PSD3: variants seen among roughly 807,000 people sequenced by gnomAD.
The protein encoded by PSD3 is PH and SEC7 domain-containing protein 3.
Under a neutral mutation model 105.5 loss-of-function variants are expected in PSD3, and 49 were observed. The observed-to-expected ratio is 0.46, with a 90% CI of 0.37 to 0.59. PSD3 has a LOEUF of 0.59. Among genes scored for constraint, PSD3 ranks in the 20% least tolerant of loss-of-function variants. The pLI is 0.00. For missense variants in PSD3, 1,561 were observed against 1,263.8 expected, an observed-to-expected ratio of 1.24 and a Z score of -3.57; for synonymous variants, 557 against 457.8, an observed-to-expected ratio of 1.22 and a Z score of -2.77.
At chr8:18,695,229 G>T (rs974053) in intron 9 of PSD3, among the ~76,000 whole-genome samples, 1 of 152,232 alleles carries the variant, frequency 6.6e-6, no homozygotes, top group South Asian at 2.1e-4. Flanking sequence ...GGCTGGCTAT[G>T]TGAAGGCTGA....
intron 1 of PSD3, among the ~76,000 whole-genome samples, chr8:19,032,649 CAAAAA>C (rs59029468): frequency 9.2e-6 from 1 of 108,252 alleles, no homozygotes. Context: ...GACTCTGTCT[CAAAAA>C]AAAAAAAAAA....
At chr8:18,852,803 A>G (rs1815699449) in intron 4 of PSD3, among the ~76,000 whole-genome samples, 1 of 152,216 alleles carries the variant, frequency 6.6e-6, no homozygotes, top group South Asian at 2.1e-4. Flanking sequence ...CACATAAGGA[A>G]GCACAATTTA....
At chr8:18,723,580 G>A (rs533205078) in intron 9 of PSD3, among the ~76,000 whole-genome samples, 55 of 152,160 alleles carry the variant, frequency 3.6e-4, no homozygotes, top group African/African-American at 1.2e-3. Flanking sequence ...ATTTTGAGGT[G>A]GGGGAAAAAA....
chr8:18,717,177 A>C lies in PSD3; in HGVS notation c.2172+48272T>G, dbSNP rs117924272. ...TGCAACCTAAAGCCAAAACATTTCAAACTCAAACAAGAGAATGAAATAAAA... is the reference window on the plus strand; with the variant it reads ...TGCAACCTAAAGCCAAAACATTTCACACTCAAACAAGAGAATGAAATAAAA... On this transcript the variant is annotated intron_variant, in intron 9 of 15. Transcript: ENST00000327040. Among the ~76,000 whole-genome samples, 471 of 152,348 alleles carry C rather than the reference A, an allele frequency of 3.1e-3. 1 individual carries two copies. Among genetic ancestry groups the C allele is most frequent in the Non-Finnish European group, 5.4e-3 (365 of 68,034 alleles).
chr8:18,773,843 G>C (rs1488871780), intron 8 of PSD3, among the ~76,000 whole-genome samples: 2 of 152,130 alleles, frequency 1.3e-5, no homozygotes, highest in East Asian at 3.9e-4. Flanking sequence ...GATCAGTTTG[G>C]AGAGTACTTC....
intron 1 of PSD3, among the ~76,000 whole-genome samples, chr8:19,025,033 C>T (rs1827498624): frequency 6.6e-6 from 1 of 152,104 alleles, no homozygotes; most frequent in Admixed American, 6.5e-5. Context: ...AAGCAGCAGT[C>T]TCATGACTAG....
chr8:18,762,018 T>C (rs1213421728), intron 9 of PSD3, among the ~76,000 whole-genome samples: 1 of 152,136 alleles, frequency 6.6e-6, no homozygotes, highest in Non-Finnish European at 1.5e-5. Context: ...GGAAATGCAA[T>C]GGAATAATAA....
At chr8:18,932,429 A>C (rs1005895239) in intron 2 of PSD3, among the ~76,000 whole-genome samples, 1 of 152,212 alleles carries the variant, frequency 6.6e-6, no homozygotes, top group African/African-American at 2.4e-5. Context: ...ACAATTTATG[A>C]AGTTCTACAA....
chr8:19,056,410 G>A (rs1390197960), intron 1 of PSD3, among the ~76,000 whole-genome samples: 2 of 152,144 alleles, frequency 1.3e-5, no homozygotes, highest in African/African-American at 2.4e-5. Flanking sequence ...GTTTTGACAC[G>A]TTGTACAATT....
At chr8:18,739,096 G>A (rs1053510031) in intron 9 of PSD3, among the ~76,000 whole-genome samples, 4 of 152,100 alleles carry the variant, frequency 2.6e-5, no homozygotes, top group African/African-American at 9.7e-5. Flanking sequence ...ATTTTGGAAG[G>A]CACATATGGA....
intron 4 of PSD3, among the ~76,000 whole-genome samples, chr8:18,826,487 T>C (rs535899042): frequency 1.3e-5 from 2 of 152,344 alleles, no homozygotes; most frequent in Admixed American, 1.3e-4. Flanking sequence ...GCACATCTTA[T>C]TACTTTATTA....
Position 18,575,019 on chromosome 8 carries a change from T to C in PSD3, c.2639+109A>G, listed in dbSNP as rs1228191034. ...CTCTAATGTAAGCAGTTGATGACTT[T>C]GATTCCAACTCAAAAAATTTCCCCT... On this transcript the variant is annotated intron_variant, in intron 13 of 15. Transcript: ENST00000327040. 6 of 1,194,814 alleles carry C rather than the reference T, an allele frequency of 5.0e-6. No homozygotes were observed. The African/African-American group carries it at 9.5e-5, about 19-fold the overall frequency. 74.0% of individuals were successfully genotyped at this position (1,194,814 alleles called of 1,614,324 possible). A position where few individuals can be genotyped will look rare whatever the true frequency, so the allele number is the denominator to read the frequency against.
intron 9 of PSD3, among the ~76,000 whole-genome samples, chr8:18,665,371 T>C (rs1260295638): frequency 6.6e-6 from 1 of 152,170 alleles, no homozygotes; most frequent in Non-Finnish European, 1.5e-5. Flanking sequence ...ACTGCAGATG[T>C]GGTGGAAACA....
At chr8:18,562,686 C>T (rs535201212) in intron 14 of PSD3, among the ~76,000 whole-genome samples, 92 of 152,052 alleles carry the variant, frequency 6.1e-4, no homozygotes, top group Non-Finnish European at 1.1e-3. Context: ...GTCAAGAGTT[C>T]GAGACCAGCC....
chr8:18,834,566 T>C (rs1586171343), intron 4 of PSD3, among the ~76,000 whole-genome samples: 1 of 152,244 alleles, frequency 6.6e-6, no homozygotes, highest in African/African-American at 2.4e-5. Flanking sequence ...CTGATAAAAC[T>C]GATCCAACAG....
At chr8:18,732,761 T>A (rs1323646157) in intron 9 of PSD3, 2 of 152,088 alleles carry the variant, frequency 1.3e-5, no homozygotes, top group African/African-American at 4.8e-5. Flanking sequence ...ACACTCCTGA[T>A]GAATGGAACA....
intron 12 of PSD3, among the ~76,000 whole-genome samples, chr8:18,596,849 G>C (rs1804139579): frequency 6.6e-6 from 1 of 152,062 alleles, no homozygotes; most frequent in Non-Finnish European, 1.5e-5. Context: ...CCCAACAAAG[G>C]AAAGTTTAGG....
Position 18,852,889 on chromosome 8 carries a change from C to T in PSD3, c.1634+14785G>A, listed in dbSNP as rs139178760. On this transcript the variant is annotated intron_variant, in intron 4 of 15. Transcript: ENST00000327040. The stretch of plus-strand genomic sequence containing the variant: ...AGAAGGAACTATGGTAATTGCTTCC[C>T]ATGCACTACACACTAGTTAATCCTC... 6.4e-3 allele frequency among the ~76,000 whole-genome samples: 968 copies of T among 152,264 alleles called. 13 individuals carry two copies. Among genetic ancestry groups the T allele is most frequent in the African/African-American group, 0.023 (937 of 41,552 alleles).
At chr8:18,811,867 C>T (rs1359501495) in intron 4 of PSD3, among the ~76,000 whole-genome samples, 2 of 152,070 alleles carry the variant, frequency 1.3e-5, no homozygotes, top group Non-Finnish European at 2.9e-5. Flanking sequence ...TATGACACTC[C>T]AAGGCCAAAG....
Sources: allele counts gnomAD v4.1 joint callset (sites outside exome capture counted in the v4.1 genomes callset), GRCh38; gene constraint gnomAD v4.1.1; transcripts MANE v1.5; gene names NCBI Gene and HGNC (gene_info 2026-07-23, HGNC 2026-07-21).